EVC2: variants seen among roughly 807,000 people sequenced by gnomAD.
EVC2 encodes the protein limbin.
A neutral mutation model predicts 149.3 loss-of-function variants in EVC2; 148 were observed. The ratio of observed to expected loss-of-function variants is 0.99; its 90% CI spans 0.87 to 1.14. The LOEUF is 1.14. Among genes scored for constraint, EVC2 ranks in the 50% most tolerant of loss-of-function variants. EVC2 has a pLI of 0.00. For missense variants in EVC2, 1,854 were observed against 1,627.3 expected (o/e 1.14, Z -2.40); for synonymous variants, 776 against 649.9 (o/e 1.19, Z -2.95).
chr4:5,544,051 G>A (rs550750090), intron 21 of EVC2, among the ~76,000 whole-genome samples: 2 of 152,216 alleles, frequency 1.3e-5, no homozygotes, highest in African/African-American at 4.8e-5. Flanking sequence ...CTCACGCGGT[G>A]GAACTGGGCA....
intron 17 of EVC2, among the ~76,000 whole-genome samples, chr4:5,578,743 G>A (rs1711512761): frequency 6.6e-6 from 1 of 152,046 alleles, no homozygotes; most frequent in Non-Finnish European, 1.5e-5. Context: ...GGATTCAGGG[G>A]TGAATGAGAC....
chr4:5,708,468 C>G lies in EVC2; in HGVS notation c.46G>C (p.Gly16Arg), dbSNP rs1031056362. Residue 16 changes from glycine (G) to arginine (R), a missense_variant, in exon 1 of 22, where the codon GGG (glycine) becomes CGG (arginine). Gly to Arg is a moderately radical substitution (Grantham distance 125). Transcript: ENST00000344408. ...GCCAGGGCCACTGCCAGGAGACCCC[C>G]GGCCAGCACCCACGTGGGGCGCCCC... ...SRGRPTWVLA[G>R]GLLAVALALG... The G allele has an allele frequency of 9.3e-6, 14 of 1,502,662 alleles. No individual in the cohort carries two copies. Among genetic ancestry groups the G allele is most frequent in the Non-Finnish European group, 1.2e-5 (14 of 1,133,380 alleles). 93.1% of individuals were successfully genotyped at this position (1,502,662 alleles called of 1,614,324 possible).
intron 15 of EVC2, among the ~76,000 whole-genome samples, chr4:5,617,391 G>A (rs1346189192): frequency 6.6e-6 from 1 of 152,148 alleles, no homozygotes; most frequent in African/African-American, 2.4e-5. Flanking sequence ...TATGTTTTCA[G>A]TCTCAACTAT....
chr4:5,703,053 A>T (rs528100501), intron 1 of EVC2, among the ~76,000 whole-genome samples: 1 of 152,334 alleles, frequency 6.6e-6, no homozygotes, highest in African/African-American at 2.4e-5. Flanking sequence ...GTCCTTACTT[A>T]ACATCATCAA....
At chr4:5,564,213 T>C (rs999299448) in intron 21 of EVC2, among the ~76,000 whole-genome samples, 1 of 152,194 alleles carries the variant, frequency 6.6e-6, no homozygotes, top group Non-Finnish European at 1.5e-5. Flanking sequence ...CAGCTCTGTG[T>C]CTCCACCATG....
intron 9 of EVC2, among the ~76,000 whole-genome samples, chr4:5,659,025 T>G (rs183067932): frequency 9.0e-4 from 137 of 152,274 alleles, no homozygotes; most frequent in Admixed American, 4.7e-3. Context: ...GAAATATTCC[T>G]TCCTCAAATC....
intron 16 of EVC2, among the ~76,000 whole-genome samples, chr4:5,598,517 T>C (rs1713666589): frequency 6.6e-6 from 1 of 152,250 alleles, no homozygotes; most frequent in Non-Finnish European, 1.5e-5. Flanking sequence ...GCTAGTCATA[T>C]GGAAAAAGCT....
rs1715179722 is a variant in EVC2, at chr4:5,615,511, T to G, written c.2740A>C (p.Ser914Arg). ...QSKVRKSRSK[S>R]KSKGELLKKC... ...TTCAGAAGCTCTCCCTTGCTTTTAC[T>G]CTTGGACCGTGACTTTCTCACCTTG... The change falls in exon 16 of 22, where the codon AGT (serine) becomes CGT (arginine). Residue 914 changes from serine to arginine, a missense_variant. Coordinates refer to ENST00000344408, the MANE Select transcript of EVC2 (RefSeq NM_147127.5). 9 of 1,614,232 alleles carry G rather than the reference T, an allele frequency of 5.6e-6. No homozygotes were observed. Among genetic ancestry groups the G allele is most frequent in the Non-Finnish European group, 7.6e-6 (9 of 1,180,048 alleles).
At chr4:5,541,536 C>G (rs1437577242), downstream of EVC2, among the ~76,000 whole-genome samples, 2 of 152,214 alleles carry the variant, frequency 1.3e-5, no homozygotes, top group Admixed American at 1.3e-4. Context: ...ACGTGGCTTC[C>G]TTTCCCTCCG....
At chr4:5,708,571 C>G, upstream of EVC2, 12 of 1,260,306 alleles carry the variant, frequency 9.5e-6, no homozygotes, top group Non-Finnish European at 1.2e-5. Flanking sequence ...CTGGAGCTTC[C>G]GGACCCCAGG....
chr4:5,597,927 GACAA>G lies in EVC2; in HGVS notation c.2830-13081_2830-13078del, dbSNP rs1713602045. On this transcript the variant is annotated intron_variant, in intron 16 of 21. Transcript: ENST00000344408. ...CAAGCATTCTTATACACCAACAACA[GACAA>G]ACAGAGAGCCAAATCATGAGTGAAC... Among the ~76,000 whole-genome samples, 7 of 110,948 alleles carry G rather than the reference GACAA, an allele frequency of 6.3e-5. No individual in the cohort carries two copies. In the South Asian group the frequency reaches 2.1e-3, roughly 34 times the overall value. The allele number at this position is 110,948 out of a possible 152,430, so 72.8% of individuals were successfully genotyped here.
chr4:5,641,153 G>A (rs1472455700), intron 9 of EVC2, among the ~76,000 whole-genome samples: 2 of 152,016 alleles, frequency 1.3e-5, no homozygotes, highest in Admixed American at 1.3e-4. Flanking sequence ...TATATTTGGA[G>A]GATTTAAAAA....
At chr4:5,536,864 G>A in the EVC2 span, among the ~76,000 whole-genome samples, 2 of 151,886 alleles carry the variant, frequency 1.3e-5, no homozygotes, top group Non-Finnish European at 1.5e-5. Flanking sequence ...GAAAAACCCT[G>A]GAGAAAAATA....
intron 12 of EVC2, among the ~76,000 whole-genome samples, chr4:5,626,245 A>C (rs1716102372): frequency 6.6e-6 from 1 of 152,078 alleles, no homozygotes; most frequent in Non-Finnish European, 1.5e-5. Flanking sequence ...GCACAAACAA[A>C]GTCAAAGAGG....
intron 9 of EVC2, among the ~76,000 whole-genome samples, chr4:5,650,256 G>A (rs6846849): frequency 0.38 from 57,654 of 151,540 alleles, 11,661 homozygotes; most frequent in East Asian, 0.47. Flanking sequence ...ATGACAGAAG[G>A]CTCAGCCCTG....
intron 9 of EVC2, among the ~76,000 whole-genome samples, chr4:5,643,006 A>T (rs1342899214): frequency 2.0e-5 from 3 of 152,228 alleles, no homozygotes; most frequent in Non-Finnish European, 4.4e-5. Context: ...AGACAGACCG[A>T]TCAACAGACA....
chr4:5,578,513 G>A (rs76967263), intron 17 of EVC2, among the ~76,000 whole-genome samples: 4 of 152,178 alleles, frequency 2.6e-5, no homozygotes, highest in East Asian at 3.9e-4. Context: ...CTGGGCAAGA[G>A]GCAGAGTCAG....
chr4:5,610,546 G>A (rs1440429851), intron 16 of EVC2, among the ~76,000 whole-genome samples: 2 of 152,144 alleles, frequency 1.3e-5, no homozygotes, highest in African/African-American at 4.8e-5. Context: ...TTGTGCATGT[G>A]GGCTGGGAGG....
chr4:5,599,005 T>A (rs1313163772), intron 16 of EVC2, among the ~76,000 whole-genome samples: 1 of 151,844 alleles, frequency 6.6e-6, no homozygotes, highest in Non-Finnish European at 1.5e-5. Context: ...GAAATGCAAA[T>A]CAAAACCAAA....
Sources: gnomAD v4.1 joint callset for allele counts (sites outside exome capture counted in the v4.1 genomes callset) on GRCh38, gnomAD v4.1.1 for gene constraint, MANE v1.5 for transcripts, NCBI Gene and HGNC (gene_info 2026-07-23, HGNC 2026-07-21) for gene names.